The following GPC4 variants were observed in gnomAD, a reference collection of about 807,000 sequenced individuals.
GPC4 encodes glypican 4.
A neutral mutation model predicts 35.0 loss-of-function variants in GPC4; 10 were observed. The observed-to-expected ratio is 0.29, with a 90% CI of 0.18 to 0.48. The LOEUF (loss-of-function observed/expected upper bound fraction) is 0.48. Ranked by LOEUF, GPC4 falls within the 20% of genes least tolerant of loss-of-function variation. The pLI is 0.99. For missense variants in GPC4, 322 were observed against 451.3 expected (o/e 0.71, Z 2.60); for synonymous variants, 167 against 170.2 (o/e 0.98, Z 0.15).
At chrX:133,368,730 T>C (rs1349204004) in intron 1 of GPC4, among the ~76,000 whole-genome samples, 1 of 110,924 alleles carries the variant, frequency 9.0e-6, no homozygotes, top group African/African-American at 3.3e-5. Flanking sequence ...CTGCAACCTC[T>C]GCCTACCGGG....
At chrX:133,412,823 T>C (rs1266353863) in intron 1 of GPC4, among the ~76,000 whole-genome samples, 3 of 111,897 alleles carry the variant, frequency 2.7e-5, no homozygotes, top group African/African-American at 9.7e-5. Context: ...CTGGGGAAGA[T>C]GCCCTGCCAC....
chrX:133,356,207 G>A (rs2068540967), intron 1 of GPC4, among the ~76,000 whole-genome samples: 2 of 111,461 alleles, frequency 1.8e-5, no homozygotes, highest in Admixed American at 9.5e-5. Flanking sequence ...GGATTGTGGA[G>A]GGCAGATACT....
intron 2 of GPC4, among the ~76,000 whole-genome samples, chrX:133,333,982 G>A (rs1011581969): frequency 1.3e-4 from 15 of 112,265 alleles, no homozygotes; most frequent in Admixed American, 8.5e-4. Flanking sequence ...CTATATAAAC[G>A]ACAATTATCT....
chrX:133,320,768 G>A (rs2068361493), intron 3 of GPC4, among the ~76,000 whole-genome samples: 1 of 110,381 alleles, frequency 9.1e-6, no homozygotes, highest in Non-Finnish European at 1.9e-5. Flanking sequence ...AGTGCTTTGG[G>A]AAGCTGAGGT....
chrX:133,363,141 T>G (rs1028748958), intron 1 of GPC4, among the ~76,000 whole-genome samples: 1 of 112,053 alleles, frequency 8.9e-6, no homozygotes, highest in Admixed American at 9.5e-5. Flanking sequence ...TATTTCTGTG[T>G]TTTAAAATCT....
intron 1 of GPC4, among the ~76,000 whole-genome samples, chrX:133,404,586 C>A (rs1384972950): frequency 2.2e-5 from 2 of 90,573 alleles, no homozygotes; most frequent in Non-Finnish European, 4.2e-5. Flanking sequence ...AGGGGCCGGG[C>A]GTGGTGGCTC....
At chrX:133,365,490 T>C (rs2068586059) in intron 1 of GPC4, among the ~76,000 whole-genome samples, 1 of 111,648 alleles carries the variant, frequency 9.0e-6, no homozygotes, top group Non-Finnish European at 1.9e-5. Context: ...CCATTTCCAT[T>C]GCAGTTATGA....
Position 133,390,817 on chromosome X carries a change from C to T in GPC4, c.160+23989G>A, listed in dbSNP as rs984091474. ...TTTAACGCCCTCCTTTCATGAACACCGGGAACAAGACCTTGATGTGCTCAC... is the reference window on the plus strand; with the variant it reads ...TTTAACGCCCTCCTTTCATGAACACTGGGAACAAGACCTTGATGTGCTCAC... On this transcript the variant is annotated intron_variant, in intron 1 of 8. Coordinates refer to ENST00000370828, the MANE Select transcript of GPC4 (RefSeq NM_001448.3). Among the ~76,000 whole-genome samples, 5 of 111,362 alleles carry T rather than the reference C, an allele frequency of 4.5e-5. No individual in the cohort carries two copies. In the South Asian group the frequency reaches 1.9e-3, roughly 43 times the overall value.
chrX:133,327,834 C>T (rs759369740), intron 2 of GPC4, among the ~76,000 whole-genome samples: 1 of 110,956 alleles, frequency 9.0e-6, no homozygotes, highest in South Asian at 3.9e-4. Flanking sequence ...ATATGAAGAC[C>T]ATTTGGGTGA....
intron 1 of GPC4, among the ~76,000 whole-genome samples, chrX:133,356,401 C>A (rs955765983): frequency 9.0e-6 from 1 of 111,219 alleles, no homozygotes; most frequent in Non-Finnish European, 1.9e-5. Context: ...CCTGCCACTA[C>A]ACCCGACTAA....
At chrX:133,339,047 G>C in intron 2 of GPC4, 136 bp downstream of exon 2, 1 of 554,235 alleles carries the variant, frequency 1.8e-6, no homozygotes, top group Non-Finnish European at 2.9e-6. Flanking sequence ...TAAAGCTACA[G>C]GGTAAACTCG....
intron 1 of GPC4, among the ~76,000 whole-genome samples, chrX:133,383,714 G>C (rs557981531): frequency 1.8e-5 from 2 of 111,570 alleles, no homozygotes; most frequent in South Asian, 7.7e-4. Context: ...AGGTGTTGTG[G>C]TGCATGCCTG....
intron 1 of GPC4, among the ~76,000 whole-genome samples, chrX:133,340,850 A>G (rs1356696101): frequency 5.4e-5 from 6 of 111,884 alleles, no homozygotes; most frequent in Non-Finnish European, 1.1e-4. Flanking sequence ...TGCCCCCAAA[A>G]AAGGGGAGTA....
At chrX:133,303,903 G>GAGGAAGGAAGGAAGGAAGGAAGGA (rs59442838) in intron 7 of GPC4, among the ~76,000 whole-genome samples, 61 of 75,412 alleles carry the variant, frequency 8.1e-4, no homozygotes, top group East Asian at 4.3e-3. Context: ...TACTCTGTTG[G>GAGGAAGGAAGGAAGGAAGGAAGGA]AGGAAGGAAG....
intron 2 of GPC4, among the ~76,000 whole-genome samples, chrX:133,329,828 T>C (rs1206060671): frequency 9.0e-6 from 1 of 111,592 alleles, no homozygotes; most frequent in East Asian, 2.8e-4. Flanking sequence ...TAATTTAACA[T>C]GGGAAAAACT....
At chrX:133,347,083 G>T (rs1415460470) in intron 1 of GPC4, among the ~76,000 whole-genome samples, 1 of 110,007 alleles carries the variant, frequency 9.1e-6, no homozygotes, top group Non-Finnish European at 1.9e-5. Flanking sequence ...TCAGAATTAA[G>T]TGTAGGCTTT....
chrX:133,340,598 G>A (rs986890852), intron 1 of GPC4, among the ~76,000 whole-genome samples: 2 of 111,869 alleles, frequency 1.8e-5, no homozygotes, highest in Non-Finnish European at 3.8e-5. Flanking sequence ...CATGGAAAAC[G>A]AAATGGTCCA....
At chrX:133,344,227 T>G (rs868308460) in intron 1 of GPC4, among the ~76,000 whole-genome samples, 1 of 20,679 alleles carries the variant, frequency 4.8e-5, no homozygotes, top group African/African-American at 4.8e-4. Context: ...TTTTTTTTTT[T>G]TTTTTTTTTT....
At chrX:133,318,436 T>C (rs1468864838) in intron 3 of GPC4, among the ~76,000 whole-genome samples, 2 of 110,226 alleles carry the variant, frequency 1.8e-5, no homozygotes, top group Non-Finnish European at 3.8e-5. Flanking sequence ...ACCTGGGAGG[T>C]GGGGAGATGC....
Sources: allele counts gnomAD v4.1 joint callset (sites outside exome capture counted in the v4.1 genomes callset), GRCh38; gene constraint gnomAD v4.1.1; transcripts MANE v1.5; gene names NCBI Gene and HGNC (gene_info 2026-07-23, HGNC 2026-07-21).